Variants in PARD3B observed in about 807,000 individuals in gnomAD.
PARD3B encodes the protein partitioning defective 3 homolog B.
Under a neutral mutation model 130.2 loss-of-function variants are expected in PARD3B, and 103 were observed. The observed-to-expected ratio is 0.79, with a 90% confidence interval of 0.67 to 0.93. The LOEUF (loss-of-function observed/expected upper bound fraction) is 0.93, where lower values mean the gene tolerates loss of function less well. Ranked by LOEUF, PARD3B falls within the 40% of genes least tolerant of loss-of-function variation. PARD3B has a pLI of 0.00. For synonymous variants in PARD3B, 583 were observed against 553.2 expected (o/e 1.05, Z -0.76); for missense variants, 1,609 against 1,499.2 (o/e 1.07, Z -1.21).
intron 18 of PARD3B, among the ~76,000 whole-genome samples, chr2:205,372,356 A>AGTTTTGAAGTG (rs1470057820): frequency 6.6e-6 from 1 of 152,112 alleles, no homozygotes; most frequent in Non-Finnish European, 1.5e-5. Flanking sequence ...CAATCTTAGT[A>AGTTTTGAAGTG]GTTTTGAAGT....
chr2:204,683,914 G>T (rs1033078675), intron 1 of PARD3B, among the ~76,000 whole-genome samples: 4 of 152,024 alleles, frequency 2.6e-5, no homozygotes, highest in Admixed American at 6.6e-5. Flanking sequence ...TCAAATTAGA[G>T]AACAGTGTCT....
intron 2 of PARD3B, 46 bp from the exon 3 acceptor site, chr2:204,965,106 T>G: frequency 2.5e-6 from 4 of 1,582,186 alleles, no homozygotes; most frequent in Non-Finnish European, 2.6e-6. Context: ...GTCCGTGTGG[T>G]ATGCATGTCC....
chr2:204,871,437 A>G (rs1242342868), intron 2 of PARD3B, among the ~76,000 whole-genome samples: 1 of 152,108 alleles, frequency 6.6e-6, no homozygotes, highest in African/African-American at 2.4e-5. Flanking sequence ...CCTGAGCTCA[A>G]GGCAGAATTC....
intron 2 of PARD3B, among the ~76,000 whole-genome samples, chr2:204,902,230 T>C (rs988492484): frequency 6.6e-6 from 1 of 152,170 alleles, no homozygotes; most frequent in Admixed American, 6.5e-5. Flanking sequence ...AAATTTAAGG[T>C]TTGCTTCAAG....
intron 2 of PARD3B, among the ~76,000 whole-genome samples, chr2:204,895,146 C>T (rs2046595768): frequency 6.6e-6 from 1 of 151,944 alleles, no homozygotes; most frequent in Non-Finnish European, 1.5e-5. Flanking sequence ...ATCAAGGAGC[C>T]TGTTTAAAAA....
intron 2 of PARD3B, among the ~76,000 whole-genome samples, chr2:204,729,651 A>T (rs535660757): frequency 6.6e-6 from 1 of 152,304 alleles, no homozygotes; most frequent in Admixed American, 6.5e-5. Flanking sequence ...AGATAATGAA[A>T]GGTGCATTGT....
chr2:205,161,514 A>G (rs1307571032), intron 11 of PARD3B, among the ~76,000 whole-genome samples: 1 of 152,174 alleles, frequency 6.6e-6, no homozygotes, highest in Admixed American at 6.5e-5. Context: ...CTGATTAACC[A>G]GGGGAAAAAA....
intron 21 of PARD3B, among the ~76,000 whole-genome samples, chr2:205,505,311 A>G (rs1575187574): frequency 6.6e-6 from 1 of 152,206 alleles, no homozygotes. Context: ...TGCTGGGTGC[A>G]GCACACGAAC....
chr2:204,874,600 A>G (rs979461124), intron 2 of PARD3B, among the ~76,000 whole-genome samples: 1 of 152,196 alleles, frequency 6.6e-6, no homozygotes, highest in African/African-American at 2.4e-5. Context: ...TCGAGGTATA[A>G]TTGACCAACA....
rs2052584541 is a variant in PARD3B at position 205,550,824 on chromosome 2, A to G, written c.3181-2500A>G. Among the ~76,000 whole-genome samples, 1 of 148,694 alleles carries G rather than the reference A, an allele frequency of 6.7e-6. No homozygotes were observed. The highest frequency in any genetic ancestry group is 1.5e-5 in the Non-Finnish European group (1 of 67,154). On this transcript the variant is annotated intron_variant, in intron 21 of 22. Coordinates refer to ENST00000406610, the MANE Select transcript of PARD3B (RefSeq NM_001302769.2). This position sits in a 1 kb window ranked among gnomAD's most constrained non-coding sequence, Gnocchi z 4.5. ...TATGCATATTTATATGTATATATGT[A>G]TATTTTATGTATATTTGAATATTTT...
At chr2:205,132,373 A>G (rs569763441) in intron 10 of PARD3B, among the ~76,000 whole-genome samples, 4 of 152,212 alleles carry the variant, frequency 2.6e-5, no homozygotes, top group African/African-American at 9.6e-5. Flanking sequence ...TATGACTTTC[A>G]TGAATCCCAA....
At chr2:205,049,031 G>A (rs1699006529) in intron 4 of PARD3B, among the ~76,000 whole-genome samples, 2 of 152,182 alleles carry the variant, frequency 1.3e-5, no homozygotes, top group South Asian at 4.1e-4. Context: ...CAGCTATTCA[G>A]TGAGAGAAGA....
intron 4 of PARD3B, among the ~76,000 whole-genome samples, chr2:205,075,489 C>A (rs1370853575): frequency 6.6e-6 from 1 of 151,718 alleles, no homozygotes. Flanking sequence ...AAAGGAAAAT[C>A]CAAGATCATA....
At chr2:204,792,724 C>T (rs959834487) in intron 2 of PARD3B, among the ~76,000 whole-genome samples, 3 of 152,098 alleles carry the variant, frequency 2.0e-5, no homozygotes, top group Non-Finnish European at 4.4e-5. Flanking sequence ...ATGATGAAGT[C>T]CTGGGCTTTC....
At chr2:204,930,181 C>T (rs916930267) in intron 2 of PARD3B, among the ~76,000 whole-genome samples, 5 of 151,684 alleles carry the variant, frequency 3.3e-5, no homozygotes, top group Non-Finnish European at 7.4e-5. Flanking sequence ...TTAAAAAACC[C>T]TGTGTTCATT....
intron 2 of PARD3B, among the ~76,000 whole-genome samples, chr2:204,950,007 G>T (rs370307851): frequency 7.2e-5 from 11 of 152,292 alleles, no homozygotes; most frequent in African/African-American, 2.6e-4. Context: ...GATCAATAAT[G>T]ATAGTGATGA....
At chr2:204,956,697 A>G (rs1225046466) in intron 2 of PARD3B, among the ~76,000 whole-genome samples, 1 of 152,216 alleles carries the variant, frequency 6.6e-6, no homozygotes, top group Non-Finnish European at 1.5e-5. Context: ...GATTGGGATC[A>G]TCTTTGAGAA....
intron 15 of PARD3B, among the ~76,000 whole-genome samples, chr2:205,226,155 C>T (rs1022726287): frequency 6.6e-6 from 1 of 152,216 alleles, no homozygotes; most frequent in East Asian, 1.9e-4. Context: ...CATTCTCCTG[C>T]CTCAGCCTCC....
chr2:205,440,280 G>A lies in PARD3B; in HGVS notation c.2742-90G>A, dbSNP rs2047665587. The A allele has an allele frequency of 1.5e-6, 2 of 1,297,774 alleles. No individual in the cohort carries two copies. The highest frequency in any genetic ancestry group is 2.2e-6 in the Non-Finnish European group (2 of 928,756). The allele number at this position is 1,297,774 out of a possible 1,614,324, so 80.4% of individuals were successfully genotyped here. A position where few individuals can be genotyped will look rare whatever the true frequency, so the allele number is the denominator to read the frequency against. On this transcript the variant is annotated intron_variant, in intron 19 of 22. Coordinates refer to ENST00000406610, the MANE Select transcript of PARD3B (RefSeq NM_001302769.2). This position sits in a 1 kb window ranked among gnomAD's most constrained non-coding sequence, Gnocchi z 4.2. ...CAGGAGAATGACAGCTAAGAGACGA[G>A]GAAGAGTTAACATAAATTCAAGAGA...
Sources: gnomAD v4.1 joint callset for allele counts (sites outside exome capture counted in the v4.1 genomes callset) on GRCh38, gnomAD v4.1.1 for gene constraint, Gnocchi (gnomAD v3.1) non-coding constraint, MANE v1.5 for transcripts, NCBI Gene and HGNC (gene_info 2026-07-23, HGNC 2026-07-21) for gene names.